The following UNC13C variants were observed in gnomAD, a reference collection of about 807,000 sequenced individuals.
UNC13C encodes unc-13 homolog C, also known as protein unc-13 homolog C.
Under a neutral mutation model 245.4 loss-of-function variants are expected in UNC13C, and 174 were observed. The observed-to-expected ratio is 0.71, with a 90% CI of 0.63 to 0.80. The LOEUF is 0.80. Ranked by LOEUF, UNC13C falls within the 30% of genes least tolerant of loss-of-function variation. UNC13C has a pLI of 0.00. For missense variants in UNC13C, 2,829 were observed against 2,602.9 expected, an observed-to-expected ratio of 1.09 and a Z score of -1.89; for synonymous variants, 992 against 895.1, an observed-to-expected ratio of 1.11 and a Z score of -1.93.
chr15:53,991,179 A>C (rs953444773), intron 1 of UNC13C, among the ~76,000 whole-genome samples: 73 of 152,034 alleles, frequency 4.8e-4, no homozygotes, highest in African/African-American at 1.7e-3. Context: ...AATATGCCTT[A>C]GAAGGGTATA....
At chr15:54,091,325 G>T (rs1899561131) in intron 2 of UNC13C, among the ~76,000 whole-genome samples, 2 of 152,170 alleles carry the variant, frequency 1.3e-5, no homozygotes, top group African/African-American at 4.8e-5. Flanking sequence ...TCACCTTGCA[G>T]AGCTTCAATT....
chr15:53,992,873 C>G (rs913574973), intron 1 of UNC13C, among the ~76,000 whole-genome samples: 1 of 152,030 alleles, frequency 6.6e-6, no homozygotes, highest in Non-Finnish European at 1.5e-5. Flanking sequence ...TACTGTATTC[C>G]AGAGTATGAA....
chr15:53,875,874 C>G, the UNC13C span, among the ~76,000 whole-genome samples: 1 of 152,164 alleles, frequency 6.6e-6, no homozygotes, highest in South Asian at 2.1e-4. Context: ...GCAGACACTG[C>G]AAGAAGAGTT....
chr15:54,143,742 T>C, intron 4 of UNC13C, 58 bp downstream of exon 4: 1 of 1,342,622 alleles, frequency 7.4e-7, no homozygotes, highest in African/African-American at 1.4e-5. Flanking sequence ...TTGGCTGTGT[T>C]CTCAACATAT....
At chr15:54,375,277 T>G (rs921493662) in intron 17 of UNC13C, among the ~76,000 whole-genome samples, 1 of 152,226 alleles carries the variant, frequency 6.6e-6, no homozygotes, top group Non-Finnish European at 1.5e-5. Flanking sequence ...CTAATCTACC[T>G]TGCAGAAAAT....
In UNC13C at chr15:54,530,464, A is replaced by G. The variant is rs188937791; in HGVS notation, c.5547-2453A>G. ...GTATGGGCATGCAGCACTAAACAAA[A>G]CAAAATTCCTGCTCTCATGGGGCTT... On this transcript the variant is annotated intron_variant, in intron 25 of 32. Transcript: ENST00000260323. Among the ~76,000 whole-genome samples, 152 of 152,340 alleles carry G rather than the reference A, an allele frequency of 1.0e-3. 2 individuals carry two copies. The highest frequency in any genetic ancestry group is 3.4e-3 in the Middle Eastern group (1 of 294).
chr15:53,941,267 G>T, the UNC13C span, among the ~76,000 whole-genome samples: 1 of 152,112 alleles, frequency 6.6e-6, no homozygotes, highest in Non-Finnish European at 1.5e-5. Context: ...ATTGAAACTG[G>T]ACTCCCTCCT....
chr15:54,265,606 C>G (rs2036533199), intron 10 of UNC13C, 110 bp downstream of exon 10: 1 of 828,452 alleles, frequency 1.2e-6, no homozygotes, highest in African/African-American at 1.7e-5. Flanking sequence ...ATCTCTTACC[C>G]AAAAGTAATA....
Position 54,034,105 on chromosome 15 carries a change from G to A in UNC13C, c.2983+18219G>A, listed in dbSNP as rs189136857. On this transcript the variant is annotated intron_variant, in intron 2 of 32. Transcript: ENST00000260323. Reference sequence around the variant, plus strand: ...GGCTTGCTGTCTGTCCCAGGAGGCTGACCCCTGTGTATTGGATCACCCAGC... The same window carrying A: ...GGCTTGCTGTCTGTCCCAGGAGGCTAACCCCTGTGTATTGGATCACCCAGC... 3.9e-5 allele frequency among the ~76,000 whole-genome samples: 6 copies of A among 152,320 alleles called. No individual in the cohort carries two copies. In the East Asian group the frequency reaches 1.2e-3, roughly 29 times the overall value.
the UNC13C span, among the ~76,000 whole-genome samples, chr15:53,923,305 C>T: frequency 6.6e-6 from 1 of 152,198 alleles, no homozygotes; most frequent in Non-Finnish European, 1.5e-5. Context: ...ATCCAGACTA[C>T]TGCCTGGCAT....
intron 13 of UNC13C, among the ~76,000 whole-genome samples, chr15:54,312,092 T>C (rs2037888735): frequency 6.6e-6 from 1 of 151,852 alleles, no homozygotes; most frequent in African/African-American, 2.4e-5. Flanking sequence ...TGTACATTTT[T>C]TAAATAACAA....
intron 13 of UNC13C, among the ~76,000 whole-genome samples, chr15:54,304,594 G>A (rs2037675662): frequency 6.9e-6 from 1 of 145,178 alleles, no homozygotes; most frequent in East Asian, 2.1e-4. Flanking sequence ...TTCCCTTAGA[G>A]CATTTACTTT....
chr15:54,295,680 C>A (rs375575064), intron 11 of UNC13C, among the ~76,000 whole-genome samples: 6 of 149,544 alleles, frequency 4.0e-5, no homozygotes, highest in Admixed American at 6.6e-5. Context: ...AGAAGAAGAA[C>A]AAAAAGAAAA....
At position 54,039,104 on chromosome 15, in the gene UNC13C, G is replaced by A. The variant is rs562402713; in HGVS notation, c.2983+23218G>A. ...GACCTCATGCCCTTTAGAAGACATT[G>A]TGCCCCCTCCTGCATTCAGATTATT... On this transcript the variant is annotated intron_variant, in intron 2 of 32. Coordinates refer to ENST00000260323, the MANE Select transcript of UNC13C (RefSeq NM_001080534.3). Among the ~76,000 whole-genome samples the A allele has an allele frequency of 2.6e-5, 4 of 152,230 alleles. No individual in the cohort carries two copies. The East Asian group carries it at 5.8e-4, about 22-fold the overall frequency.
At chr15:54,111,251 ATTC>A (rs1425471610) in intron 2 of UNC13C, among the ~76,000 whole-genome samples, 1 of 152,228 alleles carries the variant, frequency 6.6e-6, no homozygotes, top group Non-Finnish European at 1.5e-5. Flanking sequence ...AATGCTGAGA[ATTC>A]TTCTGTAAAC....
chr15:54,537,671 A>G (rs775804514), intron 26 of UNC13C, among the ~76,000 whole-genome samples: 17 of 152,082 alleles, frequency 1.1e-4, no homozygotes, highest in African/African-American at 2.2e-4. Flanking sequence ...GAACCCAGAA[A>G]TAAAGCCACA....
chr15:54,407,722 G>A (rs1414596614), intron 18 of UNC13C, among the ~76,000 whole-genome samples: 1 of 152,068 alleles, frequency 6.6e-6, no homozygotes. Flanking sequence ...CGGTATAGAA[G>A]CAGATCTTAG....
intron 17 of UNC13C, among the ~76,000 whole-genome samples, chr15:54,345,934 G>T (rs11633544): frequency 0.065 from 9,813 of 152,124 alleles, 394 homozygotes; most frequent in Admixed American, 0.11. Context: ...GCCTGGAGCG[G>T]GCATCCCTTC....
chr15:54,411,106 C>T (rs898004534), intron 18 of UNC13C, among the ~76,000 whole-genome samples: 5 of 152,010 alleles, frequency 3.3e-5, no homozygotes, highest in African/African-American at 1.2e-4. Context: ...TAATGTTGAG[C>T]CTATTTGCAT....
Sources: allele counts gnomAD v4.1 joint callset (sites outside exome capture counted in the v4.1 genomes callset), GRCh38; gene constraint gnomAD v4.1.1; transcripts MANE v1.5; gene names NCBI Gene and HGNC (gene_info 2026-07-23, HGNC 2026-07-21).